RAP1GAP2: variants seen among roughly 807,000 people sequenced by gnomAD.
The protein encoded by RAP1GAP2 is rap1 GTPase-activating protein 2.
In RAP1GAP2, 27 loss-of-function variants were observed where a neutral mutation model predicts 95.0. That is an observed-to-expected ratio of 0.28 (90% CI 0.21 to 0.39). The LOEUF (loss-of-function observed/expected upper bound fraction) is 0.39, where lower values mean the gene tolerates loss of function less well. Among genes scored for constraint, RAP1GAP2 ranks in the 10% least tolerant of loss-of-function variants. RAP1GAP2 has a pLI of 1.00. For synonymous variants in RAP1GAP2, 373 were observed against 380.9 expected (o/e 0.98, Z 0.24); for missense variants, 771 against 970.0 (o/e 0.79, Z 2.72).
intron 1 of RAP1GAP2, among the ~76,000 whole-genome samples, chr17:2,758,884 C>G (rs537204473): frequency 6.6e-6 from 1 of 152,058 alleles, no homozygotes; most frequent in Non-Finnish European, 1.5e-5. Context: ...AGTGCAGTGG[C>G]GATCACAGCT....
chr17:2,891,229 T>C (rs551144422), intron 2 of RAP1GAP2, among the ~76,000 whole-genome samples: 1 of 151,876 alleles, frequency 6.6e-6, no homozygotes, highest in South Asian at 2.1e-4. Context: ...CTTACTACAG[T>C]CTTGACCTCC....
chr17:2,918,566 G>A (rs1190869950), intron 3 of RAP1GAP2, among the ~76,000 whole-genome samples: 7 of 152,050 alleles, frequency 4.6e-5, no homozygotes, highest in African/African-American at 1.5e-4. Flanking sequence ...GAAGGTGAAG[G>A]GAGAGGAGGC....
Position 3,005,469 on chromosome 17 carries a change from G to A in RAP1GAP2, c.1272+29G>A, listed in dbSNP as rs765430726. ...GGACACTCTTCCTTCTGCCCCTCTC[G>A]CATCCACGATGCCAGGTCTCAGTGC... is the stretch of plus-strand genomic sequence containing the variant. On this transcript the variant is annotated intron_variant, in intron 15 of 24. Coordinates refer to ENST00000254695, the MANE Select transcript of RAP1GAP2 (RefSeq NM_015085.5). This position sits in a 1 kb window ranked among gnomAD's most constrained non-coding sequence, Gnocchi z 5.2. The A allele has an allele frequency of 6.3e-6, 10 of 1,588,108 alleles. No individual in the cohort carries two copies. Among genetic ancestry groups the A allele is most frequent in the Admixed American group, 5.0e-5 (3 of 59,984 alleles).
chr17:2,939,235 A>C (rs1472303320), intron 3 of RAP1GAP2, among the ~76,000 whole-genome samples: 3 of 152,112 alleles, frequency 2.0e-5, no homozygotes, highest in Non-Finnish European at 2.9e-5. Context: ...GACTACAGGC[A>C]TGCGCCACCA....
At chr17:2,838,325 C>T (rs1049406179) in intron 2 of RAP1GAP2, among the ~76,000 whole-genome samples, 2 of 151,872 alleles carry the variant, frequency 1.3e-5, no homozygotes, top group Non-Finnish European at 2.9e-5. Context: ...GCCTTGTGTT[C>T]CTTCTTGATG....
chr17:2,765,791 A>T (rs1487116967), intron 1 of RAP1GAP2, among the ~76,000 whole-genome samples: 1 of 145,392 alleles, frequency 6.9e-6, no homozygotes, highest in African/African-American at 2.6e-5. Context: ...ATATGGTGAA[A>T]CCCCCTCTCT....
chr17:2,846,724 G>A (rs972040898), intron 2 of RAP1GAP2, among the ~76,000 whole-genome samples: 4 of 152,174 alleles, frequency 2.6e-5, no homozygotes, highest in Non-Finnish European at 5.9e-5. Flanking sequence ...AGGCACAGAG[G>A]GGGTGAATTC....
rs1212771999 is a variant in RAP1GAP2 at position 2,867,529 on chromosome 17, C to T, written c.81-37755C>T. On this transcript the variant is annotated intron_variant, in intron 2 of 24. Coordinates refer to ENST00000254695, the MANE Select transcript of RAP1GAP2 (RefSeq NM_015085.5). The surrounding 1 kb of genome is among the most constrained non-coding windows in gnomAD (Gnocchi z 4.5). ...GAGCAAATCTGTTTCCCAATCATTT[C>T]AGCAGATGTCCCAGGGATGGCTCAC... Among the ~76,000 whole-genome samples, 1 of 152,174 alleles carries T rather than the reference C, an allele frequency of 6.6e-6. No individual in the cohort carries two copies. Among genetic ancestry groups the T allele is most frequent in the Non-Finnish European group, 1.5e-5 (1 of 68,036 alleles).
intron 2 of RAP1GAP2, among the ~76,000 whole-genome samples, chr17:2,896,476 G>A (rs994695685): frequency 9.2e-5 from 14 of 152,190 alleles, no homozygotes; most frequent in Non-Finnish European, 1.8e-4. Context: ...CGTATTTTCT[G>A]ACTCTGTGAC....
chr17:2,778,935 AG>A (rs2068573239), intron 1 of RAP1GAP2, among the ~76,000 whole-genome samples: 1 of 152,232 alleles, frequency 6.6e-6, no homozygotes, highest in Admixed American at 6.5e-5. Flanking sequence ...CTTACCCATT[AG>A]CCCCATCCCC....
At chr17:2,912,213 T>G (rs866943709) in intron 3 of RAP1GAP2, among the ~76,000 whole-genome samples, 1 of 152,284 alleles carries the variant, frequency 6.6e-6, no homozygotes, top group African/African-American at 2.4e-5. Context: ...CTTGCCCCTC[T>G]CTATCCCTCT....
chr17:2,784,523 G>A (rs1190697495), intron 1 of RAP1GAP2, among the ~76,000 whole-genome samples: 1 of 152,046 alleles, frequency 6.6e-6, no homozygotes, highest in African/African-American at 2.4e-5. Flanking sequence ...CGCCCGACTC[G>A]GCATCCCAAA....
intron 8 of RAP1GAP2, among the ~76,000 whole-genome samples, chr17:2,967,194 C>T (rs1248456022): frequency 2.6e-5 from 4 of 152,046 alleles, no homozygotes; most frequent in Admixed American, 6.6e-5. Flanking sequence ...CGGTGAAACC[C>T]CGTCTCTACT....
intron 2 of RAP1GAP2, among the ~76,000 whole-genome samples, chr17:2,897,097 G>T (rs922004187): frequency 6.6e-6 from 1 of 152,226 alleles, no homozygotes; most frequent in African/African-American, 2.4e-5. Context: ...AGCGCTTTGG[G>T]AGGCTGAGGC....
At chr17:3,032,518 G>A (rs765247195) in intron 24 of RAP1GAP2, 69 bp downstream of exon 24, 140 of 1,475,646 alleles carry the variant, frequency 9.5e-5, no homozygotes, top group Non-Finnish European at 1.3e-4. Context: ...CAGGGAACTA[G>A]AGGCCTTGTA....
rs2070630361 is a variant in RAP1GAP2 at position 2,827,632 on chromosome 17, A to AC, written c.80+27087dup. ...AGACCAGCCTGGATAACATGGTGAA[A>AC]CCCCCTCTCTACTAAAAATACAAAA... is the stretch of plus-strand genomic sequence containing the variant. On this transcript the variant is annotated intron_variant, in intron 2 of 24. Transcript: ENST00000254695. The surrounding 1 kb of genome is among the most constrained non-coding windows in gnomAD (Gnocchi z 4.1). Among the ~76,000 whole-genome samples, 1 of 151,428 alleles carries AC rather than the reference A, an allele frequency of 6.6e-6. No individual in the cohort carries two copies. Among genetic ancestry groups the AC allele is most frequent in the Non-Finnish European group, 1.5e-5 (1 of 67,856 alleles).
At chr17:2,809,757 C>G (rs57932177) in intron 2 of RAP1GAP2, among the ~76,000 whole-genome samples, 24,523 of 152,188 alleles carry the variant, frequency 0.16, 2,520 homozygotes, top group African/African-American at 0.3. Flanking sequence ...AGATTGTGCA[C>G]CCCCTGGTGC....
intron 4 of RAP1GAP2, chr17:2,962,468 C>T (rs1567828218): frequency 1.8e-6 from 1 of 556,156 alleles, no homozygotes; most frequent in African/African-American, 2.0e-5. Flanking sequence ...CAAGTCTATG[C>T]TGTTAGCCCA....
upstream of RAP1GAP2, among the ~76,000 whole-genome samples, chr17:2,774,182 T>C (rs1185952628): frequency 6.6e-6 from 1 of 152,178 alleles, no homozygotes; most frequent in African/African-American, 2.4e-5. Context: ...AGTAGAAGCT[T>C]GGGTATGGCC....
Sources: allele counts gnomAD v4.1 joint callset (sites outside exome capture counted in the v4.1 genomes callset), GRCh38; gene constraint gnomAD v4.1.1; non-coding constraint Gnocchi (gnomAD v3.1); transcripts MANE v1.5; gene names NCBI Gene and HGNC (gene_info 2026-07-23, HGNC 2026-07-21).